DAB1: variants seen among roughly 807,000 people sequenced by gnomAD.
DAB1 encodes disabled homolog 1.
A neutral mutation model predicts 64.6 loss-of-function variants in DAB1; 15 were observed. That is an observed-to-expected ratio of 0.23 (90% confidence interval 0.16 to 0.36). The LOEUF is 0.36. DAB1 is among the 10% of genes least tolerant of loss of function. The probability of loss-of-function intolerance (pLI) is 1.00; values close to 1 mark genes in which losing one functional copy is unlikely to be tolerated. For synonymous variants in DAB1, 235 were observed against 251.9 expected (o/e 0.93, Z 0.64); for missense variants, 596 against 706.7 (o/e 0.84, Z 1.78).
intron 7 of DAB1, among the ~76,000 whole-genome samples, chr1:57,617,808 T>A (rs1645806711): frequency 6.6e-6 from 1 of 152,198 alleles, no homozygotes; most frequent in African/African-American, 2.4e-5. Context: ...GTTTGCTCAT[T>A]CATGAACATT....
In DAB1 at chr1:58,349,703, A is replaced by G. The variant is rs149712282; in HGVS notation, n.258-6300T>C. ...AACTCCCACTTATGAGTGAGAACAT[A>G]CAGTGTTTGGTTTTCTGTTCTTATG... is the stretch of plus-strand genomic sequence containing the variant. On this transcript the variant is annotated intron_variant and non_coding_transcript_variant, in intron 3 of 20. Transcript: ENST00000485760. 9.4e-3 allele frequency among the ~76,000 whole-genome samples: 1,431 copies of G among 152,076 alleles called. 26 individuals carry two copies. The highest frequency in any genetic ancestry group is 0.033 in the African/African-American group (1,385 of 41,464).
At chr1:57,263,150 C>T (rs985757206) in intron 2 of DAB1, among the ~76,000 whole-genome samples, 1 of 151,268 alleles carries the variant, frequency 6.6e-6, no homozygotes, top group African/African-American at 2.4e-5. Flanking sequence ...GAGTCTCGCT[C>T]TGTTGCCCAG....
In DAB1 at chr1:58,044,340, C is replaced by T. The variant is rs569312755; in HGVS notation, n.387+106171G>A. On this transcript the variant is annotated intron_variant and non_coding_transcript_variant, in intron 5 of 20. Coordinates refer to the DAB1 transcript ENST00000485760. ...CCCTGGTCTCTGGGATTTGGTGGTA[C>T]CACCTTTTTTCCCTATTCCTCTAGC... 5.9e-5 allele frequency among the ~76,000 whole-genome samples: 9 copies of T among 152,112 alleles called. No individual in the cohort carries two copies. The South Asian group carries it at 1.7e-3, about 28-fold the overall frequency.
chr1:57,131,018 T>C (rs961149837), intron 4 of DAB1, among the ~76,000 whole-genome samples: 1 of 152,212 alleles, frequency 6.6e-6, no homozygotes, highest in Non-Finnish European at 1.5e-5. Flanking sequence ...ATATTGCAGA[T>C]TATTTAGCAG....
intron 5 of DAB1, among the ~76,000 whole-genome samples, chr1:58,113,729 C>T (rs112307828): frequency 6.6e-6 from 1 of 152,152 alleles, no homozygotes; most frequent in African/African-American, 2.4e-5. Flanking sequence ...GAAATTTGTG[C>T]AGTGTTTGGA....
At chr1:57,661,837 G>C (rs552288836) in intron 6 of DAB1, among the ~76,000 whole-genome samples, 1 of 151,944 alleles carries the variant, frequency 6.6e-6, no homozygotes, top group East Asian at 1.9e-4. Flanking sequence ...TTTTTGATTC[G>C]TGGTTGGTGG....
intron 5 of DAB1, among the ~76,000 whole-genome samples, chr1:57,947,215 T>C (rs572348006): frequency 1.3e-5 from 2 of 152,240 alleles, no homozygotes; most frequent in Admixed American, 6.5e-5. Flanking sequence ...TTGAGCCCAG[T>C]GTCATCTGAC....
rs578127408 is a variant in DAB1, at chr1:57,595,230, A to AT, written n.625+54361dup. Among the ~76,000 whole-genome samples, 444 of 151,758 alleles carry AT rather than the reference A, an allele frequency of 2.9e-3. 3 individuals carry two copies. Among genetic ancestry groups the AT allele is most frequent in the African/African-American group, 0.01 (421 of 41,448 alleles). Reference sequence around the variant, plus strand: ...TTAGAATAATTATTTAGATTCTAAAATTTTTTTTAGATTCTAAATTTTTTT... The same window carrying AT: ...TTAGAATAATTATTTAGATTCTAAAATTTTTTTTTAGATTCTAAATTTTTTT... On this transcript the variant is annotated intron_variant and non_coding_transcript_variant, in intron 7 of 20. Coordinates refer to the DAB1 transcript ENST00000485760.
intron 3 of DAB1, among the ~76,000 whole-genome samples, chr1:58,484,290 C>G (rs180741114): frequency 6.6e-6 from 1 of 152,176 alleles, no homozygotes; most frequent in East Asian, 1.9e-4. Context: ...TTAAAAAAAT[C>G]TTTTCTCACC....
intron 7 of DAB1, among the ~76,000 whole-genome samples, chr1:57,514,615 C>T (rs556471199): frequency 7.2e-5 from 11 of 152,244 alleles, no homozygotes; most frequent in Admixed American, 5.2e-4. Context: ...ATTTCAACAT[C>T]CAAATATTTT....
intron 6 of DAB1, among the ~76,000 whole-genome samples, chr1:57,819,142 T>C (rs1470899057): frequency 6.6e-6 from 1 of 152,198 alleles, no homozygotes; most frequent in African/African-American, 2.4e-5. Flanking sequence ...ACCTCCCAGA[T>C]CATCAGTCAT....
At chr1:58,202,373 A>G (rs1658044608) in intron 4 of DAB1, among the ~76,000 whole-genome samples, 5 of 152,238 alleles carry the variant, frequency 3.3e-5, no homozygotes, top group Admixed American at 3.3e-4. Flanking sequence ...CTTCATAGAC[A>G]AAACTGAGGC....
chr1:57,927,638 G>A lies in DAB1; in HGVS notation n.388-43476C>T, dbSNP rs186821547. ...AACTGCCATTCTTTCACTAAATCAC[G>A]TTGCATTCTGATTTATAGCGACTTG... is the stretch of plus-strand genomic sequence containing the variant. On this transcript the variant is annotated intron_variant and non_coding_transcript_variant, in intron 5 of 20. Coordinates refer to the DAB1 transcript ENST00000485760. 2.7e-3 allele frequency among the ~76,000 whole-genome samples: 416 copies of A among 152,220 alleles called. 1 individual carries two copies. The highest frequency in any genetic ancestry group is 9.3e-3 in the African/African-American group (388 of 41,548).
intron 7 of DAB1, among the ~76,000 whole-genome samples, chr1:57,581,419 T>C (rs1034006492): frequency 6.6e-6 from 1 of 152,176 alleles, no homozygotes; most frequent in South Asian, 2.1e-4. Flanking sequence ...AGGATTTGAA[T>C]ACAATGGAAA....
At chr1:58,043,018 T>C (rs1647161541) in intron 5 of DAB1, among the ~76,000 whole-genome samples, 1 of 152,202 alleles carries the variant, frequency 6.6e-6, no homozygotes, top group African/African-American at 2.4e-5. Context: ...TAGGAAAGTT[T>C]ATCCATCAAA....
At chr1:57,370,628 A>AC (rs397960673) in intron 1 of DAB1, among the ~76,000 whole-genome samples, 1 of 149,010 alleles carries the variant, frequency 6.7e-6, no homozygotes, top group East Asian at 1.9e-4. Flanking sequence ...AAAAAAAAAA[A>AC]CGTGTAACCC....
At chr1:57,106,464 C>A (rs1008400333) in intron 4 of DAB1, among the ~76,000 whole-genome samples, 7 of 152,148 alleles carry the variant, frequency 4.6e-5, no homozygotes, top group Non-Finnish European at 8.8e-5. Context: ...TTATAAACAA[C>A]AAGCATAACC....
At chr1:57,641,940 G>A (rs1224860245) in intron 7 of DAB1, among the ~76,000 whole-genome samples, 2 of 152,106 alleles carry the variant, frequency 1.3e-5, no homozygotes, top group African/African-American at 4.8e-5. Context: ...ATAGGTCTGG[G>A]TTAGAGTCCT....
chr1:57,780,264 C>A (rs1208860267), intron 6 of DAB1, among the ~76,000 whole-genome samples: 1 of 152,042 alleles, frequency 6.6e-6, no homozygotes, highest in East Asian at 1.9e-4. Flanking sequence ...CTTAACTATA[C>A]ATAGCATAGG....
Sources: gnomAD v4.1 joint callset for allele counts (sites outside exome capture counted in the v4.1 genomes callset) on GRCh38, gnomAD v4.1.1 for gene constraint, MANE v1.5 for transcripts, NCBI Gene and HGNC (gene_info 2026-07-23, HGNC 2026-07-21) for gene names.